The following KIF1B variants were observed in gnomAD, a reference collection of about 807,000 sequenced individuals.
The protein encoded by KIF1B is kinesin-like protein KIF1B.
In KIF1B, 76 loss-of-function variants were observed where a neutral mutation model predicts 241.9. That is an observed-to-expected ratio of 0.31 (90% CI 0.26 to 0.38). KIF1B has a LOEUF of 0.38. Among genes scored for constraint, KIF1B ranks in the 10% least tolerant of loss-of-function variants. The pLI, the probability that KIF1B is intolerant of heterozygous loss-of-function variation, is 1.00. For missense variants in KIF1B, 1,622 were observed against 2,271.4 expected (o/e 0.71, Z 5.81); for synonymous variants, 750 against 796.7 (o/e 0.94, Z 0.99).
intron 8 of KIF1B, 31 bp from the exon 9 acceptor site, chr1:10,272,210 A>G (rs780678951): frequency 8.7e-6 from 11 of 1,267,356 alleles, no homozygotes; most frequent in African/African-American, 4.4e-5. Flanking sequence ...GAAATTCTTC[A>G]TCATTCTTTC....
intron 8 of KIF1B, 137 bp downstream of exon 8, chr1:10,271,716 G>A: frequency 1.4e-6 from 1 of 726,284 alleles, no homozygotes; most frequent in South Asian, 1.5e-5. Context: ...CAATGGCAGT[G>A]TTGTGACAGA....
At chr1:10,220,214 A>G (rs1172648552) in intron 1 of KIF1B, among the ~76,000 whole-genome samples, 3 of 151,654 alleles carry the variant, frequency 2.0e-5, no homozygotes, top group African/African-American at 7.3e-5. Context: ...CAAAAAAAAA[A>G]AAAAAAATTA....
intron 43 of KIF1B, among the ~76,000 whole-genome samples, chr1:10,366,676 T>C (rs1638583339): frequency 6.6e-6 from 1 of 152,096 alleles, no homozygotes; most frequent in Non-Finnish European, 1.5e-5. Context: ...GTATTTGTGT[T>C]TTAGAAAGAT....
intron 37 of KIF1B, among the ~76,000 whole-genome samples, chr1:10,351,073 C>CA (rs35072176): frequency 0.36 from 37,163 of 104,444 alleles, 5,912 homozygotes; most frequent in East Asian, 0.45. Context: ...AAGACCCTGT[C>CA]AAAAAAAAAA....
chr1:10,363,419 C>T lies in KIF1B; in HGVS notation c.4366+75C>T, dbSNP rs41274470. 1,378 of 1,234,462 alleles carry T rather than the reference C, an allele frequency of 1.1e-3. 2 individuals carry two copies. The highest frequency in any genetic ancestry group is 1.4e-3 in the Non-Finnish European group (1,204 of 837,026). The allele number at this position is 1,234,462 out of a possible 1,614,324, so 76.5% of individuals were successfully genotyped here. A position where few individuals can be genotyped will look rare whatever the true frequency, so the allele number is the denominator to read the frequency against. ...AAGTATCCTGTATTTAGGCTGGGCA[C>T]GGTGGCACACACCTGTAATCCCAGC... is the stretch of plus-strand genomic sequence containing the variant. On this transcript the variant is annotated intron_variant, in intron 41 of 48. Coordinates refer to ENST00000676179, the MANE Select transcript of KIF1B (RefSeq NM_001365951.3).
intron 25 of KIF1B, 22 bp from the exon 26 acceptor site, chr1:10,324,736 G>A: frequency 6.2e-7 from 1 of 1,612,718 alleles, no homozygotes. Context: ...TTAACCCAAT[G>A]TGCTTTGTGT....
At position 10,304,366 on chromosome 1, in the gene KIF1B, A is replaced by C. The variant is rs772058053; in HGVS notation, c.2115+7120A>C. 16 of 1,614,132 alleles carry C rather than the reference A, an allele frequency of 9.9e-6. No individual in the cohort carries two copies. The South Asian group carries it at 1.8e-4, about 18-fold the overall frequency. The stretch of plus-strand genomic sequence containing the variant: ...TTCTCTCAATAATGGCCAGCCGAAA[A>C]GTACGCGCTGCCAGGCATCTGCCTC... On this transcript the variant is annotated intron_variant, in intron 22 of 48. Coordinates refer to ENST00000676179, the MANE Select transcript of KIF1B (RefSeq NM_001365951.3).
At chr1:10,309,723 T>G (rs1479921748) in intron 22 of KIF1B, among the ~76,000 whole-genome samples, 1 of 151,544 alleles carries the variant, frequency 6.6e-6, no homozygotes, top group East Asian at 1.9e-4. Context: ...AATGTCCACA[T>G]AGCAACCAAG....
chr1:10,364,963 G>A (rs1315551545), intron 41 of KIF1B, 137 bp from the exon 42 acceptor site: 9 of 670,346 alleles, frequency 1.3e-5, no homozygotes, highest in East Asian at 1.1e-4. Flanking sequence ...CTGAGATCAC[G>A]CCACTGCACT....
At position 10,258,743 on chromosome 1, in the gene KIF1B, T is replaced by C; in HGVS notation, c.363+71T>C. 4 of 1,474,520 alleles carry C rather than the reference T, an allele frequency of 2.7e-6. No homozygotes were observed. The Admixed American group carries it at 5.3e-5, about 20-fold the overall frequency. The allele number at this position is 1,474,520 out of a possible 1,614,324, so 91.3% of individuals were successfully genotyped here. On this transcript the variant is annotated intron_variant, in intron 4 of 48. Transcript: ENST00000676179. ...TAGTCTTAAATTGCTTTAACAGTTATTTTTATTTGGCGAACATTTATGCGG... is the reference window on the plus strand; with the variant it reads ...TAGTCTTAAATTGCTTTAACAGTTACTTTTATTTGGCGAACATTTATGCGG...
intron 37 of KIF1B, among the ~76,000 whole-genome samples, chr1:10,349,430 G>A (rs1413585146): frequency 7.3e-6 from 1 of 136,830 alleles, no homozygotes; most frequent in East Asian, 2.2e-4. Context: ...GTGGGACTCC[G>A]TCTCAAAAAA....
chr1:10,273,712 A>T (rs1445687140), intron 10 of KIF1B, among the ~76,000 whole-genome samples: 1 of 49,008 alleles, frequency 2.0e-5, no homozygotes, highest in Admixed American at 2.3e-4. Context: ...TCCTCCTCAA[A>T]AAAAAAAAAA....
chr1:10,264,447 A>T (rs1251948634), intron 5 of KIF1B, among the ~76,000 whole-genome samples: 1 of 152,172 alleles, frequency 6.6e-6, no homozygotes, highest in Non-Finnish European at 1.5e-5. Context: ...TTTTACCTAG[A>T]TTATTTGGGT....
Position 10,376,866 on chromosome 1 carries a change from C to CACAT in KIF1B, c.*280_*281insCATA, listed in dbSNP as rs1491275845. On this transcript the variant is annotated 3_prime_UTR_variant, in exon 49 of 49. Transcript: ENST00000676179. ...ACACACACACACACACACACACACA[C>CACAT]ATACACAGACAAAAACACAAAAACT... The CACAT allele has an allele frequency of 9.1e-5, 31 of 339,052 alleles. No homozygotes were observed. The East Asian group carries it at 1.0e-3, about 11-fold the overall frequency. 21.0% of individuals were successfully genotyped at this position (339,052 alleles called of 1,614,324 possible).
chr1:10,245,189 TC>T (rs1157798359), intron 2 of KIF1B, among the ~76,000 whole-genome samples: 1 of 152,188 alleles, frequency 6.6e-6, no homozygotes, highest in African/African-American at 2.4e-5. Flanking sequence ...TGCCTTATTT[TC>T]TAGGGCTCAG....
intron 27 of KIF1B, among the ~76,000 whole-genome samples, chr1:10,332,056 A>T (rs1212593796): frequency 6.7e-6 from 1 of 149,300 alleles, no homozygotes; most frequent in East Asian, 1.9e-4. Context: ...CTCCCTTAAC[A>T]TTTATCTTTT....
chr1:10,351,680 G>A (rs755554575), intron 37 of KIF1B, among the ~76,000 whole-genome samples: 10 of 152,068 alleles, frequency 6.6e-5, no homozygotes, highest in Non-Finnish European at 2.9e-5. Flanking sequence ...AATAAAGTCA[G>A]CATGGCCAGG....
chr1:10,286,626 T>G (rs911464994), intron 15 of KIF1B, among the ~76,000 whole-genome samples: 11 of 152,260 alleles, frequency 7.2e-5, no homozygotes, highest in African/African-American at 2.7e-4. Flanking sequence ...GAAATATTTC[T>G]GACTTGTCCT....
intron 22 of KIF1B, among the ~76,000 whole-genome samples, chr1:10,300,611 A>G (rs534734144): frequency 6.6e-6 from 1 of 152,314 alleles, no homozygotes; most frequent in Non-Finnish European, 1.5e-5. Context: ...TCCTTAAGCA[A>G]TTTGAAGAGG....
Sources: gnomAD v4.1 joint callset for allele counts (sites outside exome capture counted in the v4.1 genomes callset) on GRCh38, gnomAD v4.1.1 for gene constraint, MANE v1.5 for transcripts, NCBI Gene and HGNC (gene_info 2026-07-23, HGNC 2026-07-21) for gene names.